The following RSBN1L variants were observed in gnomAD, a reference collection of about 807,000 sequenced individuals.
The protein encoded by RSBN1L is round spermatid basic protein 1 like.
In RSBN1L, 30 loss-of-function variants were observed where a neutral mutation model predicts 67.7. That is an observed-to-expected ratio of 0.44 (90% CI 0.33 to 0.60). The LOEUF is 0.60. Ranked by LOEUF, RSBN1L falls within the 20% of genes least tolerant of loss-of-function variation. The pLI is 0.02. For synonymous variants in RSBN1L, 433 were observed against 387.0 expected, an observed-to-expected ratio of 1.12 and a Z score of -1.39; for missense variants, 992 against 1,031.7, an observed-to-expected ratio of 0.96 and a Z score of 0.53.
chr7:77,777,466 T>A (rs1036984506), intron 6 of RSBN1L, among the ~76,000 whole-genome samples: 1 of 152,090 alleles, frequency 6.6e-6, no homozygotes, highest in Non-Finnish European at 1.5e-5. Context: ...TGAACATGTT[T>A]TTATTTCACA....
Position 77,778,522 on chromosome 7 carries a change from T to C in RSBN1L, c.1903-8T>C. ...GTTATTTGTATTTCTTGTTTTATTA[T>C]TTTTTAGTGTGTCCAATGGGTTGAT... is the stretch of plus-strand genomic sequence containing the variant. On this transcript the variant is annotated splice_polypyrimidine_tract_variant and splice_region_variant and intron_variant, in intron 7 of 7. Coordinates refer to ENST00000334955, the MANE Select transcript of RSBN1L (RefSeq NM_198467.3). 6.3e-7 allele frequency: 1 copy of C among 1,599,100 alleles called. No individual in the cohort carries two copies. Among genetic ancestry groups the C allele is most frequent in the Non-Finnish European group, 8.5e-7 (1 of 1,172,360 alleles).
At chr7:77,767,853 C>G (rs1355673643) in intron 4 of RSBN1L, among the ~76,000 whole-genome samples, 1 of 79,150 alleles carries the variant, frequency 1.3e-5, no homozygotes, top group Non-Finnish European at 2.6e-5. Flanking sequence ...CTCCCTCCCC[C>G]CTCCCTCTCC....
chr7:77,705,772 G>A lies in RSBN1L; in HGVS notation c.586+8717G>A, dbSNP rs568445394. Reference sequence around the variant, plus strand: ...GGTGTTCTGCCTGCCTCGGTCTCACGATTACAGGCATGAGCCACCACGCCT... The same window carrying A: ...GGTGTTCTGCCTGCCTCGGTCTCACAATTACAGGCATGAGCCACCACGCCT... On this transcript the variant is annotated intron_variant, in intron 1 of 7. Coordinates refer to ENST00000334955, the MANE Select transcript of RSBN1L (RefSeq NM_198467.3). Among the ~76,000 whole-genome samples, 4 of 152,148 alleles carry A rather than the reference G, an allele frequency of 2.6e-5. No individual in the cohort carries two copies. The East Asian group carries it at 5.8e-4, about 22-fold the overall frequency.
intron 3 of RSBN1L, among the ~76,000 whole-genome samples, chr7:77,753,197 A>G (rs895105908): frequency 2.0e-5 from 3 of 152,222 alleles, no homozygotes; most frequent in African/African-American, 7.2e-5. Flanking sequence ...AAACATATGC[A>G]CCTATTCAGT....
chr7:77,714,419 T>C (rs955682537), intron 1 of RSBN1L, among the ~76,000 whole-genome samples: 1 of 152,242 alleles, frequency 6.6e-6, no homozygotes, highest in African/African-American at 2.4e-5. Flanking sequence ...CTCAGTAGTT[T>C]TGCCTTTTTT....
At chr7:77,740,119 C>T (rs111703270) in intron 2 of RSBN1L, among the ~76,000 whole-genome samples, 3 of 151,790 alleles carry the variant, frequency 2.0e-5, no homozygotes, top group Non-Finnish European at 2.9e-5. Context: ...TTTATTAATG[C>T]GAAAACCTTA....
chr7:77,744,450 C>T (rs550016294), intron 2 of RSBN1L, among the ~76,000 whole-genome samples: 1 of 152,186 alleles, frequency 6.6e-6, no homozygotes, highest in Non-Finnish European at 1.5e-5. Context: ...TAACGTTATT[C>T]AAGTGTGTGT....
Position 77,781,227 on chromosome 7 carries a change from C to T in RSBN1L, c.*2059C>T, listed in dbSNP as rs1384535611. ...GTTTGTAGGAAATCAGTGTTTGCAACGTAGGAAGTTTCATGGGATAGGGAA... is the reference window on the plus strand; with the variant it reads ...GTTTGTAGGAAATCAGTGTTTGCAATGTAGGAAGTTTCATGGGATAGGGAA... On this transcript the variant is annotated 3_prime_UTR_variant, in exon 8 of 8. Coordinates refer to ENST00000334955, the MANE Select transcript of RSBN1L (RefSeq NM_198467.3). The T allele has an allele frequency of 6.6e-6, 1 of 152,110 alleles. No individual in the cohort carries two copies. The highest frequency in any genetic ancestry group is 2.1e-4 in the South Asian group (1 of 4,830). 9.4% of individuals were successfully genotyped at this position (152,110 alleles called of 1,614,324 possible).
chr7:77,707,822 G>A (rs1394633715), intron 1 of RSBN1L, among the ~76,000 whole-genome samples: 1 of 152,102 alleles, frequency 6.6e-6, no homozygotes, highest in Admixed American at 6.6e-5. Context: ...CATGAGCTGG[G>A]ATATGAGCTC....
chr7:77,696,601 G>A lies in RSBN1L; in HGVS notation c.132G>A (p.Lys44=), dbSNP rs201526103. Residue 44 remains lysine, a synonymous_variant, in exon 1 of 8, where the codon AAG becomes AAA. Transcript: ENST00000334955. Reference sequence around the variant, plus strand: ...CTCCGGGTTCTCTGTCCGCCAAGAAGGTCCGGACTGAGGAGAAGAAGGCAC... The same window carrying A: ...CTCCGGGTTCTCTGTCCGCCAAGAAAGTCCGGACTGAGGAGAAGAAGGCAC... ...RDPPGSLSAK[K]VRTEEKKAPR... The A allele has an allele frequency of 9.8e-4, 1,585 of 1,614,106 alleles. 5 individuals are homozygous for A. Among genetic ancestry groups the A allele is most frequent in the South Asian group, 6.9e-3 (628 of 91,092 alleles).
chr7:77,782,316 TA>T lies in RSBN1L; in HGVS notation c.*3151del, dbSNP rs1792010096. 1 of 152,204 alleles carries T rather than the reference TA, an allele frequency of 6.6e-6. No homozygotes were observed. The highest frequency in any genetic ancestry group is 2.4e-5 in the African/African-American group (1 of 41,452). The allele number at this position is 152,204 out of a possible 1,614,324, so 9.4% of individuals were successfully genotyped here. On this transcript the variant is annotated 3_prime_UTR_variant, in exon 8 of 8. Coordinates refer to ENST00000334955, the MANE Select transcript of RSBN1L (RefSeq NM_198467.3). Reference sequence around the variant, plus strand: ...CTATATGGTCATATACTATATAGAATAAAGAATTGTTATGTAAATTATTAAA... The same window carrying T: ...CTATATGGTCATATACTATATAGAATAAGAATTGTTATGTAAATTATTAAA...
At chr7:77,733,814 G>T (rs1242922562) in intron 1 of RSBN1L, among the ~76,000 whole-genome samples, 1 of 152,172 alleles carries the variant, frequency 6.6e-6, no homozygotes, top group Non-Finnish European at 1.5e-5. Context: ...CTTATATAGT[G>T]AATATATGCT....
chr7:77,737,995 C>T (rs1271139120), intron 2 of RSBN1L, among the ~76,000 whole-genome samples: 2 of 151,234 alleles, frequency 1.3e-5, no homozygotes, highest in African/African-American at 4.9e-5. Flanking sequence ...TGTACTCCAG[C>T]CTGGGCAATA....
intron 2 of RSBN1L, 135 bp downstream of exon 2, chr7:77,736,661 T>A: frequency 2.5e-6 from 1 of 396,510 alleles, no homozygotes; most frequent in Non-Finnish European, 4.6e-6. Flanking sequence ...AAATGAAAAG[T>A]AAATGTAACA....
intron 2 of RSBN1L, among the ~76,000 whole-genome samples, chr7:77,748,809 A>G (rs369608768): frequency 6.6e-6 from 1 of 152,146 alleles, no homozygotes; most frequent in African/African-American, 2.4e-5. Flanking sequence ...TAAAATATTC[A>G]TTCATCTCCT....
At chr7:77,721,437 A>T (rs140163908) in intron 1 of RSBN1L, among the ~76,000 whole-genome samples, 45 of 152,274 alleles carry the variant, frequency 3.0e-4, no homozygotes, top group African/African-American at 1.1e-3. Flanking sequence ...AGAAACCAGG[A>T]GGGCAGATTG....
intron 1 of RSBN1L, among the ~76,000 whole-genome samples, chr7:77,705,940 G>T (rs922552238): frequency 6.6e-6 from 1 of 151,614 alleles, no homozygotes; most frequent in African/African-American, 2.4e-5. Context: ...TCACTTTGTC[G>T]CCAAGGCTGG....
chr7:77,776,794 C>G (rs1223701118), intron 6 of RSBN1L, among the ~76,000 whole-genome samples: 1 of 151,654 alleles, frequency 6.6e-6, no homozygotes, highest in East Asian at 1.9e-4. Context: ...ATCTGTATGT[C>G]TATATTATTG....
chr7:77,764,948 G>A (rs1295745927), intron 3 of RSBN1L, among the ~76,000 whole-genome samples: 2 of 152,050 alleles, frequency 1.3e-5, no homozygotes, highest in Non-Finnish European at 2.9e-5. Flanking sequence ...TTAATTTCTA[G>A]TAGTTTCTCA....
Sources: gnomAD v4.1 joint callset for allele counts (sites outside exome capture counted in the v4.1 genomes callset) on GRCh38, gnomAD v4.1.1 for gene constraint, MANE v1.5 for transcripts, NCBI Gene and HGNC (gene_info 2026-07-23, HGNC 2026-07-21) for gene names.